Variants in NECAB1 observed in about 807,000 individuals in gnomAD.
NECAB1 encodes N-terminal EF-hand calcium binding protein 1.
NECAB1 carries 29 observed loss-of-function variants against 57.5 expected under a neutral mutation model. The ratio of observed to expected loss-of-function variants is 0.50; its 90% confidence interval spans 0.38 to 0.69. The LOEUF is 0.69. Ranked by LOEUF, NECAB1 falls within the 30% of genes least tolerant of loss-of-function variation. The pLI is 0.00. For synonymous variants in NECAB1, 142 were observed against 147.7 expected (o/e 0.96, Z 0.28); for missense variants, 372 against 413.8 (o/e 0.90, Z 0.88).
chr8:90,853,290 C>G (rs1314061675), intron 3 of NECAB1, among the ~76,000 whole-genome samples: 2 of 152,248 alleles, frequency 1.3e-5, no homozygotes, highest in African/African-American at 4.8e-5. Context: ...CTCTCACATG[C>G]TCTCTCCCAC....
intron 3 of NECAB1, among the ~76,000 whole-genome samples, chr8:90,866,837 CAG>C (rs1281501996): frequency 6.6e-6 from 1 of 152,148 alleles, no homozygotes; most frequent in Non-Finnish European, 1.5e-5. Flanking sequence ...TTGTGGAAGA[CAG>C]TGTGCGATTC....
Position 90,958,056 on chromosome 8 carries a change from A to G in NECAB1, c.*2544A>G, listed in dbSNP as rs964079436. The G allele has an allele frequency of 1.3e-5, 2 of 150,080 alleles. No individual in the cohort carries two copies. The highest frequency in any genetic ancestry group is 2.4e-5 in the African/African-American group (1 of 41,004). The allele number at this position is 150,080 out of a possible 1,614,324, so 9.3% of individuals were successfully genotyped here. A position where few individuals can be genotyped will look rare whatever the true frequency, so the allele number is the denominator to read the frequency against. ...GGAGAGTTTACACTTACTTACCTAT[A>G]TATCAGCAGATTTTTCTGGAAGAAA... On this transcript the variant is annotated 3_prime_UTR_variant, in exon 13 of 13. Transcript: ENST00000417640.
At chr8:90,890,246 G>T (rs1238694771) in intron 5 of NECAB1, among the ~76,000 whole-genome samples, 2 of 152,138 alleles carry the variant, frequency 1.3e-5, no homozygotes, top group Non-Finnish European at 2.9e-5. Context: ...CCTCCATGCT[G>T]TTCTCGTGAT....
chr8:90,950,484 G>C (rs1004505875), intron 11 of NECAB1, among the ~76,000 whole-genome samples: 1 of 152,124 alleles, frequency 6.6e-6, no homozygotes, highest in African/African-American at 2.4e-5. Flanking sequence ...GCTCTTCTGA[G>C]AGTATATAAC....
At chr8:90,936,998 G>T (rs1810554900) in intron 9 of NECAB1, among the ~76,000 whole-genome samples, 1 of 152,136 alleles carries the variant, frequency 6.6e-6, no homozygotes, top group Non-Finnish European at 1.5e-5. Flanking sequence ...CATAGGAAAA[G>T]TGAAGCTAAT....
At chr8:90,858,042 A>C (rs563610396) in intron 3 of NECAB1, among the ~76,000 whole-genome samples, 1 of 152,316 alleles carries the variant, frequency 6.6e-6, no homozygotes, top group Non-Finnish European at 1.5e-5. Flanking sequence ...GCTTCACACA[A>C]TGCAGAAACT....
At position 90,820,438 on chromosome 8, in the gene NECAB1, C is replaced by T. The variant is rs74567229; in HGVS notation, c.125-4279C>T. The stretch of plus-strand genomic sequence containing the variant: ...TGAGTTCATTTGGTTCTAAGGATTC[C>T]ATTATTATTATTGAACATGATGTTT... On this transcript the variant is annotated intron_variant, in intron 2 of 12. Transcript: ENST00000417640. 3.8e-3 allele frequency among the ~76,000 whole-genome samples: 583 copies of T among 151,866 alleles called. 2 individuals are homozygous for T. Among genetic ancestry groups the T allele is most frequent in the African/African-American group, 0.013 (544 of 41,460 alleles).
intron 5 of NECAB1, among the ~76,000 whole-genome samples, chr8:90,885,594 A>G (rs1407437970): frequency 6.6e-6 from 1 of 152,214 alleles, no homozygotes; most frequent in Non-Finnish European, 1.5e-5. Flanking sequence ...GTCAAAAGGT[A>G]ATATACACAT....
In NECAB1 at chr8:90,908,048, T is replaced by C. The variant is rs376695930; in HGVS notation, c.358-9444T>C. Among the ~76,000 whole-genome samples the C allele has an allele frequency of 7.9e-4, 120 of 152,300 alleles. 1 individual carries two copies. Among genetic ancestry groups the C allele is most frequent in the East Asian group, 1.9e-3 (10 of 5,194 alleles). On this transcript the variant is annotated intron_variant, in intron 5 of 12. Transcript: ENST00000417640. ...CCTTTGAAAGCACAGAGATCATATA[T>C]GATATTTTGAAAAATGTATTTGTGT...
intron 12 of NECAB1, among the ~76,000 whole-genome samples, chr8:90,954,605 T>C (rs1269818679): frequency 3.9e-5 from 6 of 152,034 alleles, no homozygotes; most frequent in Non-Finnish European, 5.9e-5. Context: ...CCACCAATCA[T>C]ACATCTTTGC....
rs577951495 is a variant in NECAB1 at position 90,922,486 on chromosome 8, A to ATTTTTTTTTTTTTTTTTTTTTTTTTTTT, written c.495-3025_495-3024insTTTTTTTTTTTTTTTTTTTTTTTTTTTT. 2.4e-3 allele frequency among the ~76,000 whole-genome samples: 140 copies of ATTTTTTTTTTTTTTTTTTTTTTTTTTTT among 57,508 alleles called. 16 individuals carry two copies. Among genetic ancestry groups the ATTTTTTTTTTTTTTTTTTTTTTTTTTTT allele is most frequent in the East Asian group, 9.6e-3 (10 of 1,042 alleles). 37.7% of individuals were successfully genotyped at this position (57,508 alleles called of 152,430 possible). On this transcript the variant is annotated intron_variant, in intron 6 of 12. Coordinates refer to ENST00000417640, the MANE Select transcript of NECAB1 (RefSeq NM_022351.5). ...ACCACCAAAGCTGCCAAAAACTTGG[A>ATTTTTTTTTTTTTTTTTTTTTTTTTTTT]TTTTTTTTTTTTTTTTTTTTTTTTG...
At chr8:90,829,639 G>C (rs983518350) in intron 3 of NECAB1, among the ~76,000 whole-genome samples, 13 of 152,006 alleles carry the variant, frequency 8.6e-5, no homozygotes, top group African/African-American at 2.9e-4. Flanking sequence ...TTTATTCCAA[G>C]CTAAAACAAT....
chr8:90,883,898 G>A (rs1391645684), intron 5 of NECAB1, among the ~76,000 whole-genome samples: 1 of 152,182 alleles, frequency 6.6e-6, no homozygotes, highest in Non-Finnish European at 1.5e-5. Flanking sequence ...TGCAGCATTA[G>A]TATGTGAAGT....
At chr8:90,926,841 G>C (rs1235106101) in intron 7 of NECAB1, among the ~76,000 whole-genome samples, 1 of 152,158 alleles carries the variant, frequency 6.6e-6, no homozygotes, top group Non-Finnish European at 1.5e-5. Flanking sequence ...AGTAACAATG[G>C]GGAGGGAAAT....
intron 3 of NECAB1, among the ~76,000 whole-genome samples, chr8:90,860,666 T>A (rs900671791): frequency 6.6e-6 from 1 of 152,176 alleles, no homozygotes; most frequent in Admixed American, 6.5e-5. Context: ...AGATTCTCAG[T>A]ATCAACATTG....
At chr8:90,805,253 A>G (rs994197128) in intron 2 of NECAB1, among the ~76,000 whole-genome samples, 2 of 152,216 alleles carry the variant, frequency 1.3e-5, no homozygotes, top group Non-Finnish European at 2.9e-5. Flanking sequence ...CAGCTGCTAC[A>G]TGTATTTGAG....
At chr8:90,867,843 G>A (rs958577927) in intron 3 of NECAB1, among the ~76,000 whole-genome samples, 2 of 152,148 alleles carry the variant, frequency 1.3e-5, no homozygotes, top group African/African-American at 2.4e-5. Flanking sequence ...GGCCTGGACT[G>A]TAACTTGCAA....
At chr8:90,882,012 G>A (rs1808850337) in intron 5 of NECAB1, among the ~76,000 whole-genome samples, 1 of 152,162 alleles carries the variant, frequency 6.6e-6, no homozygotes, top group Non-Finnish European at 1.5e-5. Context: ...CCAAAGAGTG[G>A]CATGATGTAA....
intron 3 of NECAB1, among the ~76,000 whole-genome samples, chr8:90,845,774 G>A (rs1415952863): frequency 1.3e-5 from 2 of 152,080 alleles, no homozygotes; most frequent in Non-Finnish European, 2.9e-5. Flanking sequence ...TTGCCTTTAT[G>A]CAAAATCAAA....
Sources: gnomAD v4.1 joint callset for allele counts (sites outside exome capture counted in the v4.1 genomes callset) on GRCh38, gnomAD v4.1.1 for gene constraint, MANE v1.5 for transcripts, NCBI Gene and HGNC (gene_info 2026-07-23, HGNC 2026-07-21) for gene names.